Variants in LRCH3 observed in about 807,000 individuals in gnomAD.
LRCH3 encodes leucine rich repeats and calponin homology domain containing 3.
In LRCH3, 68 loss-of-function variants were observed where a neutral mutation model predicts 104.5. The observed-to-expected ratio is 0.65, with a 90% confidence interval of 0.54 to 0.80. The LOEUF (loss-of-function observed/expected upper bound fraction) is 0.80. LRCH3 is among the 30% of genes least tolerant of loss of function. The pLI is 0.00. For missense variants in LRCH3, 951 were observed against 953.9 expected, an observed-to-expected ratio of 1.00 and a Z score of 0.04; for synonymous variants, 344 against 361.3, an observed-to-expected ratio of 0.95 and a Z score of 0.54.
intron 1 of LRCH3, among the ~76,000 whole-genome samples, chr3:197,794,952 C>T (rs1233043110): frequency 2.0e-5 from 3 of 151,764 alleles, no homozygotes; most frequent in African/African-American, 4.8e-5. Flanking sequence ...TTGCAGTGAG[C>T]TGAGATTGTG....
intron 8 of LRCH3, 151 bp from the exon 9 acceptor site, chr3:197,835,523 T>TC: frequency 1.0e-6 from 1 of 999,384 alleles, no homozygotes; most frequent in Non-Finnish European, 1.3e-6. Context: ...AAAAAAGACT[T>TC]AAGTAATTTA....
chr3:197,835,927 T>C (rs1483295579), intron 9 of LRCH3, 105 bp downstream of exon 9: 2 of 1,229,852 alleles, frequency 1.6e-6, no homozygotes, highest in African/African-American at 3.0e-5. Flanking sequence ...TGAAGCCTAA[T>C]TGTTTTCATT....
chr3:197,862,263 T>C (rs920879729), intron 15 of LRCH3, among the ~76,000 whole-genome samples: 22 of 148,644 alleles, frequency 1.5e-4, no homozygotes, highest in African/African-American at 5.7e-4. Context: ...CCCGAAGTGC[T>C]GGGATTACAG....
Position 197,866,165 on chromosome 3 carries a change from C to T in LRCH3, c.1819C>T (p.Gln607Ter), listed in dbSNP as rs141955807. 548 of 1,614,128 alleles carry T rather than the reference C, an allele frequency of 3.4e-4. No individual in the cohort carries two copies. Among genetic ancestry groups the T allele is most frequent in the Non-Finnish European group, 4.2e-4 (490 of 1,179,998 alleles). ...TGCTGCTATCCAGAGAAATCAGCCT[C>T]AGCGCCCTGAAAGCTTCCTTTTCCG... ...FPAAIQRNQP[Q>*]RPESFLFRAG... Residue 607 changes from glutamine to a stop codon, truncating the protein, a stop_gained, in exon 17 of 21, where the codon CAG becomes TAG. Coordinates refer to ENST00000425562, the MANE Select transcript of LRCH3 (RefSeq NM_001365715.1). LOFTEE classifies it high-confidence loss of function.
chr3:197,808,721 T>G (rs547108928), intron 1 of LRCH3, among the ~76,000 whole-genome samples: 1 of 151,922 alleles, frequency 6.6e-6, no homozygotes, highest in South Asian at 2.1e-4. Flanking sequence ...AAGACCAGCC[T>G]GGGCAATGTG....
intron 4 of LRCH3, among the ~76,000 whole-genome samples, chr3:197,821,379 CAG>C (rs140226421): frequency 0.029 from 4,372 of 152,126 alleles, 98 homozygotes; most frequent in East Asian, 0.054. Flanking sequence ...ATTAATGAAA[CAG>C]AATGCTAGAA....
intron 20 of LRCH3, among the ~76,000 whole-genome samples, chr3:197,877,438 A>G (rs140400074): frequency 5.8e-5 from 2 of 34,390 alleles, no homozygotes. Flanking sequence ...TCTTTACCCA[A>G]CTCACCGCAC....
chr3:197,855,872 G>C (rs1204066022), intron 14 of LRCH3, among the ~76,000 whole-genome samples: 1 of 152,114 alleles, frequency 6.6e-6, no homozygotes, highest in Non-Finnish European at 1.5e-5. Flanking sequence ...GCCAAATAGT[G>C]TCCAACCAAC....
chr3:197,820,550 C>T, intron 4 of LRCH3, 120 bp downstream of exon 4: 1 of 657,712 alleles, frequency 1.5e-6, no homozygotes. Context: ...GTGGCTCCTG[C>T]CTGTAATGCC....
At chr3:197,804,056 G>A (rs1250389536) in intron 1 of LRCH3, among the ~76,000 whole-genome samples, 2 of 151,698 alleles carry the variant, frequency 1.3e-5, no homozygotes, top group African/African-American at 2.4e-5. Flanking sequence ...TCAGGAGTTC[G>A]AGACCAGCCT....
chr3:197,827,242 C>T (rs1341291610), intron 5 of LRCH3, among the ~76,000 whole-genome samples: 1 of 151,842 alleles, frequency 6.6e-6, no homozygotes, highest in Non-Finnish European at 1.5e-5. Context: ...GTGGAAGCAT[C>T]AGATAAATCA....
intron 8 of LRCH3, among the ~76,000 whole-genome samples, chr3:197,834,502 C>A (rs1439595289): frequency 1.3e-5 from 2 of 152,188 alleles, no homozygotes; most frequent in Non-Finnish European, 2.9e-5. Flanking sequence ...GAAACTCTTT[C>A]TTTCTCGAGT....
At chr3:197,850,369 C>CTT in intron 12 of LRCH3, 1 of 489,024 alleles carries the variant, frequency 2.0e-6, no homozygotes, top group Admixed American at 4.2e-5. Context: ...TTTTTTTTTT[C>CTT]CTTTTAATTA....
At chr3:197,814,453 A>G (rs1733584781) in intron 1 of LRCH3, among the ~76,000 whole-genome samples, 1 of 152,214 alleles carries the variant, frequency 6.6e-6, no homozygotes, top group Non-Finnish European at 1.5e-5. Flanking sequence ...TTTACAAGAT[A>G]GTGTATTAGT....
chr3:197,821,433 A>C (rs184040224), intron 4 of LRCH3, among the ~76,000 whole-genome samples: 3 of 152,338 alleles, frequency 2.0e-5, no homozygotes, highest in Non-Finnish European at 2.9e-5. Context: ...GAGATCCAGA[A>C]TATATATTTC....
intron 20 of LRCH3, chr3:197,881,910 T>C: frequency 1.0e-6 from 1 of 985,448 alleles, no homozygotes; most frequent in African/African-American, 1.7e-5. Context: ...GGACAGCTAT[T>C]TTCACAGGTC....
chr3:197,835,499 A>T (rs888227644), intron 8 of LRCH3, among the ~76,000 whole-genome samples, 175 bp from the exon 9 acceptor site: 93,898 of 136,508 alleles, frequency 0.69, 32,868 homozygotes, highest in East Asian at 0.92. Flanking sequence ...AAAATGGGTA[A>T]AAAAAAAAAA....
At chr3:197,873,626 G>A (rs1161017520) in intron 19 of LRCH3, among the ~76,000 whole-genome samples, 1 of 152,194 alleles carries the variant, frequency 6.6e-6, no homozygotes, top group East Asian at 1.9e-4. Context: ...TCAGGAAGCT[G>A]TGGCGGGAGG....
chr3:197,864,907 A>G (rs1483230876), intron 15 of LRCH3, among the ~76,000 whole-genome samples: 1 of 151,376 alleles, frequency 6.6e-6, no homozygotes, highest in Non-Finnish European at 1.5e-5. Context: ...TGTAGTCTCA[A>G]CTACTTGGGA....
Sources: allele counts gnomAD v4.1 joint callset (sites outside exome capture counted in the v4.1 genomes callset), GRCh38; gene constraint gnomAD v4.1.1; transcripts MANE v1.5; gene names NCBI Gene and HGNC (gene_info 2026-07-23, HGNC 2026-07-21).